Variants in AK2 observed in about 807,000 individuals in gnomAD.
The protein encoded by AK2 is adenylate kinase 2, mitochondrial.
AK2 carries 15 observed loss-of-function variants against 24.6 expected under a neutral mutation model. The ratio of observed to expected loss-of-function variants is 0.61; its 90% CI spans 0.41 to 0.94. The LOEUF is 0.94. AK2 is among the 40% of genes least tolerant of loss of function. The pLI is 0.00. For missense variants in AK2, 257 were observed against 304.1 expected (o/e 0.85, Z 1.15); for synonymous variants, 102 against 114.0 (o/e 0.90, Z 0.67).
Position 33,009,804 on chromosome 1 carries a change from T to G in AK2, c.*3377A>C, listed in dbSNP as rs1349685268. 1 of 454,398 alleles carries G rather than the reference T, an allele frequency of 2.2e-6. No homozygotes were observed. Among genetic ancestry groups the G allele is most frequent in the Non-Finnish European group, 4.4e-6 (1 of 226,764 alleles). 28.1% of individuals were successfully genotyped at this position (454,398 alleles called of 1,614,324 possible). The stretch of plus-strand genomic sequence containing the variant: ...TATCTCATATGCACATACTTGGACC[T>G]CCCTACCACACAGCTGCCAGCGACA... On this transcript the variant is annotated 3_prime_UTR_variant, in exon 6 of 6. Transcript: ENST00000672715.
chr1:33,013,364 A>T lies in AK2; in HGVS notation c.537T>A (p.Asn179Lys). The change falls in exon 6 of 6, where the codon AAT becomes AAA. Residue 179 changes from asparagine (N) to lysine (K), a missense_variant. Physicochemically the swap from Asn to Lys is moderately conservative, Grantham distance 94 (BLOSUM62 0). Transcript: ENST00000672715. ...GCAGGCGGATTTTCAAGGCCTTTTCATTATCATCTGATCGACGGATCAAGG... is the reference window on the plus strand; with the variant it reads ...GCAGGCGGATTTTCAAGGCCTTTTCTTTATCATCTGATCGACGGATCAAGG... ...GEPLIRRSDDNEKALKIRLQA... is the reference protein window; with the variant it reads ...GEPLIRRSDDKEKALKIRLQA... 11 of 1,614,160 alleles carry T rather than the reference A, an allele frequency of 6.8e-6. No homozygotes were observed. Among genetic ancestry groups the T allele is most frequent in the Non-Finnish European group, 9.3e-6 (11 of 1,180,010 alleles).
chr1:33,013,550 C>T (rs565197754), intron 5 of AK2, 148 bp from the exon 6 acceptor site: 2 of 1,432,100 alleles, frequency 1.4e-6, no homozygotes, highest in Admixed American at 2.1e-5. Flanking sequence ...GCAATCCAGA[C>T]CCTCTCCAGT....
chr1:33,021,740 C>A (rs1295592500), intron 2 of AK2, 37 bp from the exon 3 acceptor site: 1 of 1,522,058 alleles, frequency 6.6e-7, no homozygotes, highest in East Asian at 2.3e-5. Context: ...GGGTTTAAAT[C>A]CATTACCTAG....
chr1:33,026,905 C>G (rs1213154837), intron 1 of AK2, among the ~76,000 whole-genome samples: 2 of 151,876 alleles, frequency 1.3e-5, no homozygotes, highest in African/African-American at 4.8e-5. Context: ...GCGGGTGGAT[C>G]ACCGGAAGTC....
chr1:33,036,587 T>C (rs1403726519), intron 1 of AK2, 149 bp downstream of exon 1: 2 of 735,236 alleles, frequency 2.7e-6, no homozygotes, highest in Middle Eastern at 3.1e-4. Context: ...CTCTCCGAAA[T>C]GCCCCACCAG....
Position 33,012,756 on chromosome 1 carries a change from G to A in AK2, c.*425C>T, listed in dbSNP as rs1638905298. 3 of 965,158 alleles carry A rather than the reference G, an allele frequency of 3.1e-6. No homozygotes were observed. The highest frequency in any genetic ancestry group is 4.3e-6 in the Non-Finnish European group (3 of 694,958). The allele number at this position is 965,158 out of a possible 1,614,324, so 59.8% of individuals were successfully genotyped here. On this transcript the variant is annotated 3_prime_UTR_variant, in exon 6 of 6. Coordinates refer to ENST00000672715, the MANE Select transcript of AK2 (RefSeq NM_001625.4). ...TACAAAAAATACAAATATCAGCCAG[G>A]TGTTGTGGCATGCACCTGTAGTCCC...
At position 33,012,095 on chromosome 1, in the gene AK2, T is replaced by G; in HGVS notation, c.*1086A>C. On this transcript the variant is annotated 3_prime_UTR_variant, in exon 6 of 6. Coordinates refer to ENST00000672715, the MANE Select transcript of AK2 (RefSeq NM_001625.4). ...CTACCCTGGTCTCTTTTTGGGGAAG[T>G]AGATTTGACTGCTCTCAGATGATCA... 1 of 1,535,426 alleles carries G rather than the reference T, an allele frequency of 6.5e-7. No individual in the cohort carries two copies. Among genetic ancestry groups the G allele is most frequent in the Non-Finnish European group, 8.7e-7 (1 of 1,146,732 alleles).
chr1:33,019,625 A>C, intron 4 of AK2: 1 of 990,812 alleles, frequency 1.0e-6, no homozygotes, highest in Non-Finnish European at 1.2e-6. Flanking sequence ...TAATAGTGCT[A>C]ACCCTGTGCT....
intron 4 of AK2, chr1:33,019,995 A>C: frequency 6.8e-7 from 1 of 1,472,570 alleles, no homozygotes; most frequent in African/African-American, 1.4e-5. Flanking sequence ...ACAATAAAGA[A>C]GGGAATGGAG....
At chr1:33,029,961 A>G (rs1036738404) in intron 1 of AK2, among the ~76,000 whole-genome samples, 5 of 152,190 alleles carry the variant, frequency 3.3e-5, no homozygotes, top group Admixed American at 2.0e-4. Context: ...AAACATACAC[A>G]TTCCGAAGCC....
In AK2 at chr1:33,011,143, G is replaced by A; in HGVS notation, c.*2038C>T. The A allele has an allele frequency of 7.2e-7, 1 of 1,381,906 alleles. No homozygotes were observed. Among genetic ancestry groups the A allele is most frequent in the Non-Finnish European group, 9.4e-7 (1 of 1,064,784 alleles). The allele number at this position is 1,381,906 out of a possible 1,614,324, so 85.6% of individuals were successfully genotyped here. A position where few individuals can be genotyped will look rare whatever the true frequency, so the allele number is the denominator to read the frequency against. ...ATGTGGACGGATGACAAATATTTGG[G>A]CAAGGATCATGCACATAAAATTAGC... On this transcript the variant is annotated 3_prime_UTR_variant, in exon 6 of 6. Coordinates refer to ENST00000672715, the MANE Select transcript of AK2 (RefSeq NM_001625.4).
intron 1 of AK2, among the ~76,000 whole-genome samples, chr1:33,033,794 C>A (rs1268693725): frequency 1.3e-5 from 2 of 152,082 alleles, no homozygotes; most frequent in East Asian, 1.9e-4. Context: ...ATTCAAAATT[C>A]TTCATAATAA....
In AK2 at chr1:33,011,704, A is replaced by C; in HGVS notation, c.*1477T>G. The stretch of plus-strand genomic sequence containing the variant: ...TTGTGGTCCTTCATAGCAGTCTGTT[A>C]CTTCATCTGTTTGCCACAAATCAAA... On this transcript the variant is annotated 3_prime_UTR_variant, in exon 6 of 6. Transcript: ENST00000672715. 7.6e-7 allele frequency: 1 copy of C among 1,322,356 alleles called. No individual in the cohort carries two copies. The highest frequency in any genetic ancestry group is 9.9e-7 in the Non-Finnish European group (1 of 1,012,628). The allele number at this position is 1,322,356 out of a possible 1,614,324, so 81.9% of individuals were successfully genotyped here.
rs1250518439 is a variant in AK2 at position 33,010,623 on chromosome 1, A to G, written c.*2558T>C. On this transcript the variant is annotated 3_prime_UTR_variant, in exon 6 of 6. Transcript: ENST00000672715. ...TTTTTAAAAAATTAATTTTTCCCTT[A>G]CACTTTAAAAACTCTCACCTATGTA... 2 of 79,372 alleles carry G rather than the reference A, an allele frequency of 2.5e-5. No homozygotes were observed. Among genetic ancestry groups the G allele is most frequent in the Middle Eastern group, 3.2e-3 (1 of 312 alleles). 4.9% of individuals were successfully genotyped at this position (79,372 alleles called of 1,614,324 possible).
At chr1:33,020,079 G>C in intron 4 of AK2, 1 of 1,535,346 alleles carries the variant, frequency 6.5e-7, no homozygotes, top group Non-Finnish European at 8.7e-7. Flanking sequence ...TAGTGAAACA[G>C]GGTAGAGACA....
rs1054556373 is a variant in AK2, at chr1:33,024,128, G to A, written c.219+314C>T. The stretch of plus-strand genomic sequence containing the variant: ...GGAGGTTGCAGTGAGCCAAGACTGC[G>A]CCACTGCACTCCAGCCTGGGCGACA... On this transcript the variant is annotated intron_variant, in intron 2 of 5. Transcript: ENST00000672715. The A allele has an allele frequency of 1.4e-4, 50 of 345,898 alleles. 2 individuals carry two copies. Among genetic ancestry groups the A allele is most frequent in the South Asian group, 1.1e-3 (46 of 42,580 alleles). 21.4% of individuals were successfully genotyped at this position (345,898 alleles called of 1,614,324 possible). A position where few individuals can be genotyped will look rare whatever the true frequency, so the allele number is the denominator to read the frequency against.
At chr1:33,014,024 G>A (rs1639018535) in intron 5 of AK2, among the ~76,000 whole-genome samples, 1 of 152,166 alleles carries the variant, frequency 6.6e-6, no homozygotes, top group Non-Finnish European at 1.5e-5. Context: ...TTGCCTGCAT[G>A]CTTTAAAACA....
intron 1 of AK2, chr1:33,031,015 TG>T (rs1314151913): frequency 1.3e-5 from 2 of 152,208 alleles, no homozygotes; most frequent in African/African-American, 4.8e-5. Context: ...TAGCTTAAGT[TG>T]TTTTTTTTTT....
chr1:33,033,159 C>CAA (rs535373703), intron 1 of AK2, among the ~76,000 whole-genome samples: 47 of 88,648 alleles, frequency 5.3e-4, no homozygotes, highest in Admixed American at 1.2e-3. Context: ...GACTCTGTCT[C>CAA]AAAAAAAAAA....
Sources: gnomAD v4.1 joint callset for allele counts (sites outside exome capture counted in the v4.1 genomes callset) on GRCh38, gnomAD v4.1.1 for gene constraint, MANE v1.5 for transcripts, NCBI Gene and HGNC (gene_info 2026-07-23, HGNC 2026-07-21) for gene names.